NCKAP5: variants seen among roughly 807,000 people sequenced by gnomAD.
The protein encoded by NCKAP5 is NCK associated protein 5.
NCKAP5 carries 92 observed loss-of-function variants against 167.0 expected under a neutral mutation model. The observed-to-expected ratio is 0.55, with a 90% CI of 0.47 to 0.66. The LOEUF (loss-of-function observed/expected upper bound fraction) is 0.66, where lower values mean the gene tolerates loss of function less well. NCKAP5 is among the 30% of genes least tolerant of loss of function. The pLI is 0.00. For missense variants in NCKAP5, 2,378 were observed against 2,315.0 expected, an observed-to-expected ratio of 1.03 and a Z score of -0.56; for synonymous variants, 891 against 877.4, an observed-to-expected ratio of 1.02 and a Z score of -0.27.
At chr2:133,626,462 G>A in the NCKAP5 span, among the ~76,000 whole-genome samples, 2 of 120,898 alleles carry the variant, frequency 1.7e-5, no homozygotes, top group African/African-American at 8.6e-5. Flanking sequence ...ATGTTGCAAG[G>A]GAAATAAAAA....
At position 132,972,800 on chromosome 2, in the gene NCKAP5, T is replaced by C. The variant is rs561307823; in HGVS notation, c.430-8931A>G. 2.6e-5 allele frequency among the ~76,000 whole-genome samples: 4 copies of C among 151,620 alleles called. No homozygotes were observed. The South Asian group carries it at 8.4e-4, about 32-fold the overall frequency. On this transcript the variant is annotated intron_variant, in intron 7 of 19. Transcript: ENST00000409261. ...ATCACTTGGACCCAGGAAGCAGAGGTTGCAGTGAGCCAATATTACACCACT... is the reference window on the plus strand; with the variant it reads ...ATCACTTGGACCCAGGAAGCAGAGGCTGCAGTGAGCCAATATTACACCACT...
At chr2:133,505,068 C>T (rs979708722) in intron 3 of NCKAP5, among the ~76,000 whole-genome samples, 6 of 152,128 alleles carry the variant, frequency 3.9e-5, no homozygotes, top group African/African-American at 1.4e-4. Context: ...ACCTTGTGCA[C>T]AGGGAGTCAT....
At chr2:132,968,864 G>A (rs1303484005) in intron 7 of NCKAP5, among the ~76,000 whole-genome samples, 3 of 152,052 alleles carry the variant, frequency 2.0e-5, no homozygotes, top group Non-Finnish European at 4.4e-5. Context: ...CCTTTTTCAA[G>A]ATAGAAAAAA....
intron 6 of NCKAP5, among the ~76,000 whole-genome samples, chr2:133,124,532 G>A (rs1319472784): frequency 6.6e-6 from 1 of 152,156 alleles, no homozygotes. Context: ...AATTTCATCT[G>A]ACTATTCATG....
intron 19 of NCKAP5, among the ~76,000 whole-genome samples, chr2:132,711,285 G>T (rs1688821030): frequency 6.6e-6 from 1 of 152,020 alleles, no homozygotes; most frequent in African/African-American, 2.4e-5. Flanking sequence ...TGCCTTCCAG[G>T]CTTTGGTCAC....
chr2:133,166,376 G>A (rs568759323), intron 5 of NCKAP5, among the ~76,000 whole-genome samples: 15 of 152,108 alleles, frequency 9.9e-5, no homozygotes, highest in African/African-American at 2.2e-4. Flanking sequence ...ACTTTTTCAC[G>A]TTGTAATATA....
intron 3 of NCKAP5, among the ~76,000 whole-genome samples, chr2:133,464,191 G>C (rs1574999780): frequency 6.6e-6 from 1 of 152,186 alleles, no homozygotes; most frequent in Admixed American, 6.5e-5. Context: ...ATTTTGAACA[G>C]AAAGACAGAA....
intron 3 of NCKAP5, among the ~76,000 whole-genome samples, chr2:133,384,690 A>G (rs918203783): frequency 3.9e-5 from 6 of 152,224 alleles, no homozygotes; most frequent in African/African-American, 1.4e-4. Context: ...ACCCATGAGC[A>G]TGGAATGTTC....
intron 5 of NCKAP5, among the ~76,000 whole-genome samples, chr2:133,197,284 C>T (rs1014881578): frequency 2.6e-5 from 4 of 152,114 alleles, no homozygotes; most frequent in African/African-American, 9.7e-5. Context: ...ATCACACTGG[C>T]CTCAGGTAGT....
intron 6 of NCKAP5, among the ~76,000 whole-genome samples, chr2:133,013,062 G>A (rs2149367638): frequency 6.6e-6 from 1 of 152,294 alleles, no homozygotes; most frequent in South Asian, 2.1e-4. Context: ...TAAAGCCTGG[G>A]AACTGCATTT....
chr2:132,928,251 G>T (rs887602712), intron 8 of NCKAP5, among the ~76,000 whole-genome samples: 1 of 152,188 alleles, frequency 6.6e-6, no homozygotes, highest in African/African-American at 2.4e-5. Flanking sequence ...AGGTTACAGG[G>T]AGAATTAAAT....
intron 3 of NCKAP5, among the ~76,000 whole-genome samples, chr2:133,461,755 GC>G (rs1692211290): frequency 6.6e-6 from 1 of 152,170 alleles, no homozygotes; most frequent in African/African-American, 2.4e-5. Context: ...GAGAAATGTG[GC>G]CAAGCTAGGC....
intron 8 of NCKAP5, among the ~76,000 whole-genome samples, chr2:132,925,723 G>A (rs190123023): frequency 1.1e-3 from 173 of 152,204 alleles, no homozygotes; most frequent in African/African-American, 3.7e-3. Context: ...TCTGTGGCCT[G>A]GGGGTTGGGG....
chr2:132,963,318 T>G (rs1007308763), intron 8 of NCKAP5, among the ~76,000 whole-genome samples: 4 of 152,010 alleles, frequency 2.6e-5, no homozygotes, highest in African/African-American at 9.7e-5. Context: ...ATAAAATCTC[T>G]GTGTGTGTGT....
intron 5 of NCKAP5, among the ~76,000 whole-genome samples, chr2:133,174,821 C>T (rs1248270865): frequency 6.6e-6 from 1 of 151,646 alleles, no homozygotes. Context: ...TCTAGCTGTA[C>T]TCTCTGTAAT....
intron 8 of NCKAP5, among the ~76,000 whole-genome samples, chr2:132,923,407 A>G (rs76853135): frequency 0.01 from 1,556 of 152,290 alleles, 33 homozygotes; most frequent in African/African-American, 0.035. Flanking sequence ...GAGGCACCAG[A>G]TTGCCAAACA....
chr2:133,562,720 C>T (rs911106246), intron 1 of NCKAP5, among the ~76,000 whole-genome samples: 5 of 152,268 alleles, frequency 3.3e-5, no homozygotes, highest in African/African-American at 9.6e-5. Flanking sequence ...ATCACTAATC[C>T]GGTAAAGTTG....
intron 3 of NCKAP5, among the ~76,000 whole-genome samples, chr2:133,496,392 C>G (rs1366659565): frequency 6.6e-6 from 1 of 152,094 alleles, no homozygotes; most frequent in Admixed American, 6.6e-5. Context: ...AGCTCATGTT[C>G]ATCTCCCTTC....
intron 4 of NCKAP5, among the ~76,000 whole-genome samples, chr2:133,285,998 T>TC (rs1679095070): frequency 6.8e-6 from 1 of 147,758 alleles, no homozygotes. Context: ...TTCTGTGACT[T>TC]CTTTTTTTTT....
Sources: allele counts gnomAD v4.1 joint callset (sites outside exome capture counted in the v4.1 genomes callset), GRCh38; gene constraint gnomAD v4.1.1; transcripts MANE v1.5; gene names NCBI Gene and HGNC (gene_info 2026-07-23, HGNC 2026-07-21).